TMPRSS15: variants seen among roughly 807,000 people sequenced by gnomAD.
TMPRSS15 encodes transmembrane serine protease 15, also known as enteropeptidase.
In TMPRSS15, 128 loss-of-function variants were observed where a neutral mutation model predicts 125.3. The observed-to-expected ratio is 1.02, with a 90% CI of 0.89 to 1.18. TMPRSS15 has a LOEUF of 1.18. TMPRSS15 is among the 50% of genes most tolerant of loss of function. TMPRSS15 has a pLI of 0.00. For synonymous variants in TMPRSS15, 446 were observed against 423.2 expected, an observed-to-expected ratio of 1.05 and a Z score of -0.66; for missense variants, 1,283 against 1,212.7, an observed-to-expected ratio of 1.06 and a Z score of -0.86.
In TMPRSS15 at chr21:18,365,263, C is replaced by T; in HGVS notation, c.665-15G>A. On this transcript the variant is annotated splice_polypyrimidine_tract_variant and intron_variant, in intron 6 of 24. Coordinates refer to ENST00000284885, the MANE Select transcript of TMPRSS15 (RefSeq NM_002772.3). ...ACAAACTGTGGCTGCAAAACGATGC[C>T]AATTAATGTTAGACAAAAACAATCT... 1 of 1,596,592 alleles carries T rather than the reference C, an allele frequency of 6.3e-7. No individual in the cohort carries two copies. Among genetic ancestry groups the T allele is most frequent in the Non-Finnish European group, 8.6e-7 (1 of 1,164,116 alleles).
At chr21:18,396,624 A>G (rs1601436824) in intron 3 of TMPRSS15, among the ~76,000 whole-genome samples, 1 of 151,828 alleles carries the variant, frequency 6.6e-6, no homozygotes, top group Non-Finnish European at 1.5e-5. Flanking sequence ...AATACAAAAA[A>G]TTAGCCGGGT....
At chr21:18,273,670 G>C (rs567169330) in intron 24 of TMPRSS15, among the ~76,000 whole-genome samples, 2 of 152,292 alleles carry the variant, frequency 1.3e-5, no homozygotes, top group East Asian at 3.9e-4. Context: ...TGTAATTGAA[G>C]TTGTCCAGCT....
intron 4 of TMPRSS15, among the ~76,000 whole-genome samples, chr21:18,382,033 A>G (rs2075897454): frequency 6.6e-6 from 1 of 152,156 alleles, no homozygotes. Flanking sequence ...AATGACTATG[A>G]AAAAAATCAA....
At chr21:18,307,133 C>A (rs541984193) in intron 18 of TMPRSS15, among the ~76,000 whole-genome samples, 246 of 152,270 alleles carry the variant, frequency 1.6e-3, no homozygotes, top group African/African-American at 5.8e-3. Flanking sequence ...TAGACAAATT[C>A]TCATTAAGGA....
chr21:18,481,874 A>G (rs1454094719), intron 1 of TMPRSS15, among the ~76,000 whole-genome samples: 1 of 151,686 alleles, frequency 6.6e-6, no homozygotes, highest in African/African-American at 2.4e-5. Context: ...ATTAATCTTA[A>G]TTTATATAAT....
chr21:18,298,158 G>A (rs941660661), intron 18 of TMPRSS15, among the ~76,000 whole-genome samples: 1 of 152,032 alleles, frequency 6.6e-6, no homozygotes, highest in Non-Finnish European at 1.5e-5. Flanking sequence ...TTTTTTCTAT[G>A]TTGTCAAATA....
intron 1 of TMPRSS15, among the ~76,000 whole-genome samples, chr21:18,466,534 C>T (rs192220803): frequency 3.9e-5 from 6 of 152,008 alleles, no homozygotes; most frequent in Non-Finnish European, 7.4e-5. Context: ...GGGCTAATAT[C>T]TAGAATCTAC....
chr21:18,470,826 A>T (rs577458280), intron 1 of TMPRSS15, among the ~76,000 whole-genome samples: 73 of 152,208 alleles, frequency 4.8e-4, no homozygotes, highest in African/African-American at 1.6e-3. Context: ...AATATAGTAT[A>T]AAAAACTTTA....
At chr21:18,435,398 T>G (rs924379226) in intron 1 of TMPRSS15, among the ~76,000 whole-genome samples, 2 of 152,206 alleles carry the variant, frequency 1.3e-5, no homozygotes, top group Non-Finnish European at 2.9e-5. Flanking sequence ...TCATGTGGCT[T>G]TTGTCTTTGG....
chr21:18,313,948 T>C (rs2075130147), intron 17 of TMPRSS15, among the ~76,000 whole-genome samples: 1 of 151,894 alleles, frequency 6.6e-6, no homozygotes, highest in Admixed American at 6.6e-5. Flanking sequence ...ATTTGATTTC[T>C]ATCAACTTAC....
chr21:18,418,447 G>A (rs2076185096), intron 1 of TMPRSS15, among the ~76,000 whole-genome samples: 1 of 152,168 alleles, frequency 6.6e-6, no homozygotes, highest in Admixed American at 6.5e-5. Flanking sequence ...CCATATCTGT[G>A]TGCGAATGGT....
At chr21:18,282,350 C>T (rs1446210918) in intron 21 of TMPRSS15, among the ~76,000 whole-genome samples, 1 of 152,096 alleles carries the variant, frequency 6.6e-6, no homozygotes, top group Admixed American at 6.5e-5. Context: ...GGAATTAAGC[C>T]AGTTAAGCCA....
chr21:18,356,521 G>A (rs1348647672), intron 8 of TMPRSS15, among the ~76,000 whole-genome samples: 2 of 151,578 alleles, frequency 1.3e-5, no homozygotes, highest in East Asian at 1.9e-4. Flanking sequence ...TATTATATAA[G>A]GGAAAAATGC....
intron 3 of TMPRSS15, among the ~76,000 whole-genome samples, chr21:18,393,471 T>C (rs2076007440): frequency 6.6e-6 from 1 of 152,184 alleles, no homozygotes; most frequent in African/African-American, 2.4e-5. Flanking sequence ...AAAATTAAAT[T>C]TAAGCAGTAT....
intron 1 of TMPRSS15, among the ~76,000 whole-genome samples, chr21:18,467,869 T>C (rs1023479789): frequency 4.6e-5 from 7 of 152,098 alleles, no homozygotes; most frequent in Admixed American, 2.6e-4. Context: ...GAGATTATGG[T>C]TGCATGACCT....
At chr21:18,427,360 C>T (rs1222427656) in intron 1 of TMPRSS15, among the ~76,000 whole-genome samples, 2 of 42,802 alleles carry the variant, frequency 4.7e-5, no homozygotes, top group East Asian at 5.3e-3. Flanking sequence ...TTTCCATTCT[C>T]CTTGCCTTAC....
At chr21:18,454,497 G>C (rs1978402703) in intron 1 of TMPRSS15, among the ~76,000 whole-genome samples, 1 of 152,112 alleles carries the variant, frequency 6.6e-6, no homozygotes. Context: ...TGATATGCCA[G>C]TGAGCAAACT....
intron 17 of TMPRSS15, among the ~76,000 whole-genome samples, 195 bp from the exon 18 acceptor site, chr21:18,313,272 C>T (rs983281780): frequency 4.0e-5 from 6 of 151,884 alleles, no homozygotes; most frequent in Non-Finnish European, 8.8e-5. Flanking sequence ...CAAATTTTCT[C>T]ATCATGAAAT....
chr21:18,334,340 T>C (rs1486794136), intron 13 of TMPRSS15, among the ~76,000 whole-genome samples: 6 of 152,180 alleles, frequency 3.9e-5, no homozygotes, highest in Admixed American at 3.9e-4. Flanking sequence ...GCCAGGTTTG[T>C]CTAGACCCAG....
Sources: gnomAD v4.1 joint callset for allele counts (sites outside exome capture counted in the v4.1 genomes callset) on GRCh38, gnomAD v4.1.1 for gene constraint, MANE v1.5 for transcripts, NCBI Gene and HGNC (gene_info 2026-07-23, HGNC 2026-07-21) for gene names.